Variants in PLCB4 observed in about 807,000 individuals in gnomAD.
The protein encoded by PLCB4 is 1-phosphatidylinositol 4,5-bisphosphate phosphodiesterase beta-4.
PLCB4 carries 77 observed loss-of-function variants against 178.8 expected under a neutral mutation model. That is an observed-to-expected ratio of 0.43 (90% CI 0.36 to 0.52). The LOEUF (loss-of-function observed/expected upper bound fraction) is 0.52, where lower values mean the gene tolerates loss of function less well. Among genes scored for constraint, PLCB4 ranks in the 20% least tolerant of loss-of-function variants. The pLI is 0.00. For missense variants in PLCB4, 1,024 were observed against 1,453.4 expected, an observed-to-expected ratio of 0.70 and a Z score of 4.80; for synonymous variants, 496 against 490.8, an observed-to-expected ratio of 1.01 and a Z score of -0.14.
rs192472421 is a variant in PLCB4, at chr20:9,327,740, C to A, written c.85-9386C>A. Reference sequence around the variant, plus strand: ...GCAGTGAGCTGGGATCATGCCCCTGCACTCCAGCCTGGGTGACAGAGCGAG... The same window carrying A: ...GCAGTGAGCTGGGATCATGCCCCTGAACTCCAGCCTGGGTGACAGAGCGAG... On this transcript the variant is annotated intron_variant, in intron 4 of 39. Transcript: ENST00000378473. 9.9e-5 allele frequency among the ~76,000 whole-genome samples: 15 copies of A among 151,966 alleles called. No homozygotes were observed. The East Asian group carries it at 2.9e-3, about 29-fold the overall frequency.
chr20:9,082,516 A>G (rs951130422), intron 1 of PLCB4, among the ~76,000 whole-genome samples: 7 of 152,158 alleles, frequency 4.6e-5, no homozygotes, highest in Non-Finnish European at 8.8e-5. Context: ...TTGATTTCAC[A>G]GATTTCTTTT....
chr20:9,277,310 G>A (rs546434229), intron 3 of PLCB4, among the ~76,000 whole-genome samples: 1 of 152,156 alleles, frequency 6.6e-6, no homozygotes, highest in South Asian at 2.1e-4. Flanking sequence ...AGCCAAACAG[G>A]CCTGAACAAA....
intron 3 of PLCB4, among the ~76,000 whole-genome samples, chr20:9,270,406 C>T (rs1228481369): frequency 6.6e-6 from 1 of 152,090 alleles, no homozygotes; most frequent in Non-Finnish European, 1.5e-5. Context: ...TTGCCTTTTC[C>T]AGAATGTCAT....
At chr20:9,467,264 C>T (rs956745423) in intron 35 of PLCB4, among the ~76,000 whole-genome samples, 3 of 152,172 alleles carry the variant, frequency 2.0e-5, no homozygotes, top group Non-Finnish European at 4.4e-5. Context: ...GAACGTCACA[C>T]ACCGGGCCTT....
chr20:9,226,963 T>C (rs990971790), intron 3 of PLCB4, among the ~76,000 whole-genome samples: 6 of 152,088 alleles, frequency 3.9e-5, no homozygotes, highest in African/African-American at 1.4e-4. Flanking sequence ...CCAACACTAA[T>C]TTTTTGTTTT....
intron 7 of PLCB4, among the ~76,000 whole-genome samples, chr20:9,345,168 G>A (rs555256770): frequency 2.0e-5 from 3 of 152,158 alleles, no homozygotes; most frequent in Non-Finnish European, 2.9e-5. Flanking sequence ...CAGCCTGGGC[G>A]ACAAGAGTGA....
chr20:9,413,873 T>C (rs891672747), intron 25 of PLCB4, among the ~76,000 whole-genome samples: 1 of 152,014 alleles, frequency 6.6e-6, no homozygotes, highest in African/African-American at 2.4e-5. Flanking sequence ...CCATCCTCCC[T>C]CCTCCACCCC....
At chr20:9,279,487 G>A (rs1179024624) in intron 3 of PLCB4, among the ~76,000 whole-genome samples, 2 of 151,950 alleles carry the variant, frequency 1.3e-5, no homozygotes, top group East Asian at 3.9e-4. Context: ...ATTGGAAGAT[G>A]GGGAGATAGG....
chr20:9,084,595 A>G (rs2090313542), intron 1 of PLCB4, among the ~76,000 whole-genome samples: 1 of 152,144 alleles, frequency 6.6e-6, no homozygotes, highest in Non-Finnish European at 1.5e-5. Flanking sequence ...CTGTCAGGAA[A>G]AAACCCAGCA....
chr20:9,450,864 G>A lies in PLCB4; in HGVS notation c.2881-2483G>A, dbSNP rs1217289424. Among the ~76,000 whole-genome samples, 6 of 151,938 alleles carry A rather than the reference G, an allele frequency of 3.9e-5. No individual in the cohort carries two copies. The East Asian group carries it at 1.2e-3, about 29-fold the overall frequency. ...GGTTTTTGCCATGTTAGCCAGGCTA[G>A]TCTCGAACTCCTGACCTCAGGTGAT... On this transcript the variant is annotated intron_variant, in intron 32 of 39. Transcript: ENST00000378473.
intron 2 of PLCB4, among the ~76,000 whole-genome samples, chr20:9,159,864 T>G (rs1247007540): frequency 1.3e-5 from 2 of 152,226 alleles, no homozygotes; most frequent in African/African-American, 2.4e-5. Context: ...AGCAAGATAT[T>G]AACTGTGGCT....
chr20:9,476,888 A>G, intron 39 of PLCB4, 135 bp downstream of exon 39: 1 of 619,116 alleles, frequency 1.6e-6, no homozygotes, highest in South Asian at 2.2e-5. Context: ...AAGCTTGACT[A>G]TTCCATGCTT....
At chr20:9,271,961 A>G (rs1265563694) in intron 3 of PLCB4, among the ~76,000 whole-genome samples, 6 of 151,604 alleles carry the variant, frequency 4.0e-5, no homozygotes. Flanking sequence ...AGGATTGTTG[A>G]GCCCAGGAGT....
intron 3 of PLCB4, among the ~76,000 whole-genome samples, chr20:9,228,142 A>G (rs2093889394): frequency 1.3e-5 from 2 of 152,226 alleles, no homozygotes; most frequent in Admixed American, 6.5e-5. Flanking sequence ...GAGCAAATGT[A>G]TGAGCTTCTC....
At chr20:9,449,310 G>T (rs1305546416) in intron 32 of PLCB4, among the ~76,000 whole-genome samples, 2 of 152,096 alleles carry the variant, frequency 1.3e-5, no homozygotes, top group Non-Finnish European at 2.9e-5. Flanking sequence ...CCCAAAGTTG[G>T]ATACATATCT....
intron 3 of PLCB4, among the ~76,000 whole-genome samples, chr20:9,247,077 C>A (rs1030444658): frequency 6.6e-6 from 1 of 152,106 alleles, no homozygotes; most frequent in Non-Finnish European, 1.5e-5. Context: ...TATTAAGATA[C>A]TTCAACATCA....
At chr20:9,434,521 A>T (rs1041490285) in intron 28 of PLCB4, among the ~76,000 whole-genome samples, 1 of 152,080 alleles carries the variant, frequency 6.6e-6, no homozygotes, top group Non-Finnish European at 1.5e-5. Context: ...GATTACAGGC[A>T]TGCGCCACCA....
At chr20:9,211,093 A>G (rs993984623) in intron 2 of PLCB4, among the ~76,000 whole-genome samples, 1 of 152,160 alleles carries the variant, frequency 6.6e-6, no homozygotes, top group South Asian at 2.1e-4. Flanking sequence ...TCTTTTTTTA[A>G]CCTGCGATTC....
At chr20:9,184,449 G>A (rs934311527) in intron 2 of PLCB4, among the ~76,000 whole-genome samples, 1 of 152,004 alleles carries the variant, frequency 6.6e-6, no homozygotes, top group East Asian at 1.9e-4. Context: ...GTCATTGCAG[G>A]TGCTCTATTT....
Sources: allele counts gnomAD v4.1 joint callset (sites outside exome capture counted in the v4.1 genomes callset), GRCh38; gene constraint gnomAD v4.1.1; transcripts MANE v1.5; gene names NCBI Gene and HGNC (gene_info 2026-07-23, HGNC 2026-07-21).